Variants in NBAS observed in about 807,000 individuals in gnomAD.
NBAS encodes the protein NAG/BC035112 fusion.
NBAS carries 219 observed loss-of-function variants against 302.5 expected under a neutral mutation model. The ratio of observed to expected loss-of-function variants is 0.72; its 90% CI spans 0.65 to 0.81. NBAS has a LOEUF of 0.81. Among genes scored for constraint, NBAS ranks in the 30% least tolerant of loss-of-function variants. The probability of loss-of-function intolerance (pLI) is 0.00; values close to 1 mark genes in which losing one functional copy is unlikely to be tolerated. For synonymous variants in NBAS, 1,118 were observed against 1,021.6 expected (o/e 1.09, Z -1.80); for missense variants, 2,932 against 2,841.6 (o/e 1.03, Z -0.72).
the NBAS span, among the ~76,000 whole-genome samples, chr2:15,126,750 GCAC>G: frequency 6.6e-6 from 1 of 152,134 alleles, no homozygotes; most frequent in Non-Finnish European, 1.5e-5. Context: ...CCATGGCAGG[GCAC>G]CAGCAACACT....
Position 15,357,146 on chromosome 2 carries a change from G to C in NBAS, c.3818-730C>G, listed in dbSNP as rs78868670. Among the ~76,000 whole-genome samples the C allele has an allele frequency of 5.2e-3, 786 of 152,282 alleles. 9 individuals carry two copies. The highest frequency in any genetic ancestry group is 0.018 in the African/African-American group (760 of 41,566). ...TGTACCCTGTTAGGTGGTTTAACCA[G>C]AATGCCTCCTTACCACAGTGATTCT... is the stretch of plus-strand genomic sequence containing the variant. On this transcript the variant is annotated intron_variant, in intron 32 of 51. Transcript: ENST00000281513.
At chr2:15,390,215 G>T (rs186131397) in intron 28 of NBAS, among the ~76,000 whole-genome samples, 114 of 152,274 alleles carry the variant, frequency 7.5e-4, no homozygotes, top group Non-Finnish European at 1.4e-3. Context: ...CAGTTATGGG[G>T]AATAATTAGC....
the NBAS span, among the ~76,000 whole-genome samples, chr2:14,951,640 A>G: frequency 6.6e-6 from 1 of 152,182 alleles, no homozygotes; most frequent in African/African-American, 2.4e-5. Flanking sequence ...CGCATTCCTC[A>G]TTAGAAAGGA....
At chr2:15,423,016 C>T (rs1031307437) in intron 23 of NBAS, among the ~76,000 whole-genome samples, 2 of 152,160 alleles carry the variant, frequency 1.3e-5, no homozygotes, top group East Asian at 1.9e-4. Flanking sequence ...TCTAGGTGCA[C>T]GTTACAACAA....
the NBAS span, among the ~76,000 whole-genome samples, chr2:15,019,551 T>A: frequency 6.6e-6 from 1 of 152,288 alleles, no homozygotes; most frequent in Admixed American, 6.5e-5. Context: ...AATCATGTGG[T>A]CTGAGGGACC....
At chr2:15,521,940 TA>T (rs1258361615) in intron 9 of NBAS, among the ~76,000 whole-genome samples, 4 of 152,196 alleles carry the variant, frequency 2.6e-5, no homozygotes, top group African/African-American at 9.6e-5. Context: ...CTGCACAGTC[TA>T]AAATATTTAC....
chr2:14,918,134 T>C, the NBAS span, among the ~76,000 whole-genome samples: 1 of 152,260 alleles, frequency 6.6e-6, no homozygotes, highest in African/African-American at 2.4e-5. Context: ...TTTTCAACCC[T>C]GTTATCTATC....
the NBAS span, among the ~76,000 whole-genome samples, chr2:15,143,380 G>A: frequency 3.3e-5 from 5 of 152,186 alleles, no homozygotes; most frequent in African/African-American, 4.8e-5. Context: ...TGCAGGGGCC[G>A]CTGCAAATCC....
chr2:15,418,645 G>A (rs1315495351), intron 23 of NBAS, among the ~76,000 whole-genome samples: 1 of 152,176 alleles, frequency 6.6e-6, no homozygotes, highest in Non-Finnish European at 1.5e-5. Flanking sequence ...GGTCCCAGAG[G>A]AGGGAACACT....
At chr2:15,326,530 G>T (rs1558536754) in intron 38 of NBAS, among the ~76,000 whole-genome samples, 1 of 152,090 alleles carries the variant, frequency 6.6e-6, no homozygotes, top group African/African-American at 2.4e-5. Flanking sequence ...AGCAACTGAT[G>T]TAAGACAATA....
At chr2:15,518,546 A>C (rs1662511756) in intron 9 of NBAS, among the ~76,000 whole-genome samples, 1 of 152,220 alleles carries the variant, frequency 6.6e-6, no homozygotes, top group African/African-American at 2.4e-5. Flanking sequence ...GAATTTTTAT[A>C]ATACAAATTA....
the NBAS span, among the ~76,000 whole-genome samples, chr2:14,827,275 A>G: frequency 6.6e-6 from 1 of 152,218 alleles, no homozygotes; most frequent in Non-Finnish European, 1.5e-5. Flanking sequence ...ATCATCTATC[A>G]TGTTAATATT....
At chr2:14,894,337 G>A in the NBAS span, among the ~76,000 whole-genome samples, 1 of 152,148 alleles carries the variant, frequency 6.6e-6, no homozygotes, top group Admixed American at 6.5e-5. Flanking sequence ...CCAGAATGGA[G>A]CAGGAGTACA....
intron 40 of NBAS, among the ~76,000 whole-genome samples, chr2:15,303,585 G>A (rs1670902376): frequency 6.6e-6 from 1 of 152,212 alleles, no homozygotes; most frequent in Non-Finnish European, 1.5e-5. Flanking sequence ...CAGAGTGACT[G>A]TGGTGTGTGA....
chr2:15,247,566 T>C (rs1029174947), intron 44 of NBAS, among the ~76,000 whole-genome samples: 2 of 151,938 alleles, frequency 1.3e-5, no homozygotes, highest in Non-Finnish European at 1.5e-5. Flanking sequence ...GTTGCAATCC[T>C]AGTCTCTGAT....
the NBAS span, among the ~76,000 whole-genome samples, chr2:14,916,952 C>T: frequency 6.6e-6 from 1 of 152,188 alleles, no homozygotes; most frequent in Admixed American, 6.5e-5. Flanking sequence ...CACTAGAAAG[C>T]AGAAACAACA....
the NBAS span, among the ~76,000 whole-genome samples, chr2:14,954,940 A>G: frequency 1.3e-5 from 2 of 152,170 alleles, no homozygotes; most frequent in Non-Finnish European, 2.9e-5. Flanking sequence ...TCACATGTCA[A>G]AACACAATCA....
the NBAS span, among the ~76,000 whole-genome samples, chr2:15,041,324 G>A: frequency 6.6e-6 from 1 of 152,256 alleles, no homozygotes; most frequent in African/African-American, 2.4e-5. Context: ...GGAGTCGGTA[G>A]CCACAGACCA....
At chr2:14,940,874 A>G in the NBAS span, among the ~76,000 whole-genome samples, 11 of 152,178 alleles carry the variant, frequency 7.2e-5, no homozygotes, top group Non-Finnish European at 1.3e-4. Context: ...TGCAATAAAT[A>G]CCTGCCTGTA....
Sources: gnomAD v4.1 joint callset for allele counts (sites outside exome capture counted in the v4.1 genomes callset) on GRCh38, gnomAD v4.1.1 for gene constraint, MANE v1.5 for transcripts, NCBI Gene and HGNC (gene_info 2026-07-23, HGNC 2026-07-21) for gene names.